Variants in LRRC4C observed in about 807,000 individuals in gnomAD.
The protein encoded by LRRC4C is leucine rich repeat containing 4C.
A neutral mutation model predicts 33.6 loss-of-function variants in LRRC4C; 5 were observed. The ratio of observed to expected loss-of-function variants is 0.15; its 90% CI spans 0.08 to 0.31. The LOEUF is 0.31. Among genes scored for constraint, LRRC4C ranks in the 10% least tolerant of loss-of-function variants. The pLI, the probability that LRRC4C is intolerant of heterozygous loss-of-function variation, is 1.00. For missense variants in LRRC4C, 560 were observed against 796.7 expected (o/e 0.70, Z 3.58); for synonymous variants, 329 against 302.0 (o/e 1.09, Z -0.93).
intron 1 of LRRC4C, among the ~76,000 whole-genome samples, chr11:41,305,504 C>T (rs941741240): frequency 2.1e-5 from 1 of 47,872 alleles, no homozygotes; most frequent in Non-Finnish European, 5.6e-5. Flanking sequence ...GGATGGTTGC[C>T]GTGTCTGTGT....
chr11:40,541,711 A>G (rs1179809106), intron 3 of LRRC4C, among the ~76,000 whole-genome samples: 2 of 152,086 alleles, frequency 1.3e-5, no homozygotes, highest in Non-Finnish European at 2.9e-5. Flanking sequence ...TAAATTTCAT[A>G]TTTCCTAAAT....
chr11:40,440,697 G>A (rs1951353770), intron 3 of LRRC4C, among the ~76,000 whole-genome samples: 1 of 152,200 alleles, frequency 6.6e-6, no homozygotes, highest in African/African-American at 2.4e-5. Flanking sequence ...TGGTGATTAT[G>A]TTATAGCTCT....
At chr11:41,065,512 G>A (rs1270722703) in intron 1 of LRRC4C, among the ~76,000 whole-genome samples, 2 of 152,176 alleles carry the variant, frequency 1.3e-5, no homozygotes, top group East Asian at 3.9e-4. Context: ...GCTCTGAAGA[G>A]AGTGGCTGAT....
rs184593375 is a variant in LRRC4C at position 41,153,370 on chromosome 11, A to C, written c.-495-219647T>G. Among the ~76,000 whole-genome samples, 152 of 152,302 alleles carry C rather than the reference A, an allele frequency of 1.0e-3. 1 individual carries two copies. Among genetic ancestry groups the C allele is most frequent in the Middle Eastern group, 6.8e-3 (2 of 294 alleles). ...ATCCCTAGAACACAGTACATGACTCACACTGTTTACTCAATAAATATGTAC... is the reference window on the plus strand; with the variant it reads ...ATCCCTAGAACACAGTACATGACTCCCACTGTTTACTCAATAAATATGTAC... On this transcript the variant is annotated intron_variant, in intron 1 of 6. Transcript: ENST00000528697.
intron 2 of LRRC4C, among the ~76,000 whole-genome samples, chr11:40,788,819 C>G (rs528470971): frequency 6.6e-6 from 1 of 152,118 alleles, no homozygotes; most frequent in Non-Finnish European, 1.5e-5. Context: ...TTAGGCCGGG[C>G]ACGGTGGCTC....
intron 1 of LRRC4C, among the ~76,000 whole-genome samples, chr11:41,043,498 CACTT>C (rs71984857): frequency 0.041 from 6,283 of 152,058 alleles, 168 homozygotes; most frequent in South Asian, 0.096. Context: ...CTATTCCTTC[CACTT>C]ACTTTTCCAA....
intron 1 of LRRC4C, among the ~76,000 whole-genome samples, chr11:41,339,921 TCAAA>T (rs1449538815): frequency 6.6e-6 from 1 of 152,108 alleles, no homozygotes; most frequent in Non-Finnish European, 1.5e-5. Flanking sequence ...TCAGTGAAGG[TCAAA>T]CAAATGGGTT....
intron 5 of LRRC4C, among the ~76,000 whole-genome samples, chr11:40,203,473 T>C (rs1045435418): frequency 2.0e-5 from 3 of 152,206 alleles, no homozygotes; most frequent in African/African-American, 7.2e-5. Flanking sequence ...AGGGGATGTT[T>C]ACTATGTTTA....
chr11:40,469,246 TG>T (rs1169115920), intron 3 of LRRC4C, among the ~76,000 whole-genome samples: 1 of 152,054 alleles, frequency 6.6e-6, no homozygotes, highest in Non-Finnish European at 1.5e-5. Context: ...TGAAGCAGGG[TG>T]GGGTGTCACC....
intron 3 of LRRC4C, among the ~76,000 whole-genome samples, chr11:40,480,958 G>A (rs1953527633): frequency 6.6e-6 from 1 of 151,544 alleles, no homozygotes; most frequent in African/African-American, 2.4e-5. Flanking sequence ...TTGTTTAAAG[G>A]GTCTATATTT....
At chr11:41,083,240 G>T (rs1481056698) in intron 1 of LRRC4C, among the ~76,000 whole-genome samples, 2 of 151,942 alleles carry the variant, frequency 1.3e-5, no homozygotes, top group African/African-American at 4.8e-5. Flanking sequence ...ATTATTAAAT[G>T]TATTTTTTAA....
At chr11:40,494,408 G>T (rs974652118) in intron 3 of LRRC4C, among the ~76,000 whole-genome samples, 10 of 152,192 alleles carry the variant, frequency 6.6e-5, no homozygotes, top group Non-Finnish European at 1.3e-4. Context: ...ATAAACATTT[G>T]CAGAAACTTG....
At chr11:41,201,369 G>A (rs1946392631) in intron 1 of LRRC4C, among the ~76,000 whole-genome samples, 2 of 152,250 alleles carry the variant, frequency 1.3e-5, no homozygotes, top group South Asian at 4.1e-4. Context: ...CCTAGTGGCG[G>A]CTCTAGGTTT....
intron 5 of LRRC4C, among the ~76,000 whole-genome samples, chr11:40,165,688 G>A (rs1483393656): frequency 6.6e-6 from 1 of 152,330 alleles, no homozygotes; most frequent in Non-Finnish European, 1.5e-5. Context: ...GCTCACGCCT[G>A]TAATCCCAGC....
chr11:40,794,189 AT>A (rs1950734096), intron 2 of LRRC4C, among the ~76,000 whole-genome samples: 1 of 152,168 alleles, frequency 6.6e-6, no homozygotes, highest in Non-Finnish European at 1.5e-5. Flanking sequence ...CGTAAATAGC[AT>A]AATTATGGTT....
chr11:40,398,626 A>G (rs1240752271), intron 3 of LRRC4C, among the ~76,000 whole-genome samples: 5 of 152,044 alleles, frequency 3.3e-5, no homozygotes, highest in Non-Finnish European at 7.4e-5. Context: ...ATTACATGCT[A>G]TGGAGAAAGA....
At chr11:40,665,325 AATATATATATAT>A (rs1160594156) in intron 2 of LRRC4C, among the ~76,000 whole-genome samples, 1 of 13,452 alleles carries the variant, frequency 7.4e-5, no homozygotes, top group Non-Finnish European at 1.4e-4. Context: ...AAAAAAAAAA[AATATATATATAT>A]ATATATATAT....
intron 5 of LRRC4C, among the ~76,000 whole-genome samples, chr11:40,214,687 C>CA (rs1863847854): frequency 6.6e-6 from 1 of 152,138 alleles, no homozygotes; most frequent in Non-Finnish European, 1.5e-5. Flanking sequence ...AGACAGCCCT[C>CA]ACCAAAAGCC....
intron 1 of LRRC4C, among the ~76,000 whole-genome samples, chr11:40,993,341 C>A (rs188868858): frequency 1.3e-5 from 2 of 152,052 alleles, no homozygotes; most frequent in Non-Finnish European, 2.9e-5. Flanking sequence ...TCTTAGAGGA[C>A]CCCATGAAAT....
Sources: allele counts gnomAD v4.1 joint callset (sites outside exome capture counted in the v4.1 genomes callset), GRCh38; gene constraint gnomAD v4.1.1; transcripts MANE v1.5; gene names NCBI Gene and HGNC (gene_info 2026-07-23, HGNC 2026-07-21).